Variants in KIAA0513 observed in about 807,000 individuals in gnomAD.
KIAA0513 encodes the protein uncharacterized protein KIAA0513.
Under a neutral mutation model 56.5 loss-of-function variants are expected in KIAA0513, and 39 were observed. The observed-to-expected ratio is 0.69, with a 90% CI of 0.53 to 0.90. KIAA0513 has a LOEUF of 0.90. Among genes scored for constraint, KIAA0513 ranks in the 40% least tolerant of loss-of-function variants. The pLI is 0.00. For synonymous variants in KIAA0513, 268 were observed against 215.6 expected, an observed-to-expected ratio of 1.24 and a Z score of -2.13; for missense variants, 591 against 535.2, an observed-to-expected ratio of 1.10 and a Z score of -1.03.
intron 2 of KIAA0513, among the ~76,000 whole-genome samples, chr16:85,070,505 C>T (rs1012209726): frequency 6.6e-6 from 1 of 152,076 alleles, no homozygotes; most frequent in African/African-American, 2.4e-5. Flanking sequence ...TGATGAAACC[C>T]CGTCTCTACT....
intron 1 of KIAA0513, among the ~76,000 whole-genome samples, chr16:85,054,259 A>G (rs980680071): frequency 1.3e-5 from 2 of 152,202 alleles, no homozygotes; most frequent in Non-Finnish European, 2.9e-5. Flanking sequence ...AGAATTACTT[A>G]GACATAGATT....
At chr16:85,061,001 A>C (rs968435319) in intron 1 of KIAA0513, among the ~76,000 whole-genome samples, 7 of 152,006 alleles carry the variant, frequency 4.6e-5, no homozygotes, top group African/African-American at 1.7e-4. Context: ...TAAAAATACA[A>C]AATTAGCCCA....
intron 1 of KIAA0513, among the ~76,000 whole-genome samples, chr16:85,060,984 T>A (rs2073396517): frequency 6.6e-6 from 1 of 151,656 alleles, no homozygotes; most frequent in South Asian, 2.1e-4. Flanking sequence ...TGAAACCCCA[T>A]CTCTACTAAA....
In KIAA0513 at chr16:85,067,171, G is replaced by A. The variant is rs201065554; in HGVS notation, c.100G>A (p.Gly34Ser). ...LEAPPPVLQDGDGSLGDGASE... is the reference protein window; with the variant it reads ...LEAPPPVLQDSDGSLGDGASE... ...GGCACCACCCCCTGTGCTGCAGGACGGCGATGGCTCCCTGGGGGACGGTGC... is the reference window on the plus strand; with the variant it reads ...GGCACCACCCCCTGTGCTGCAGGACAGCGATGGCTCCCTGGGGGACGGTGC... The change falls in exon 2 of 13, where the codon GGC becomes AGC. Residue 34 changes from glycine to serine, a missense_variant. By Grantham distance (56) the Gly-to-Ser change is moderately conservative (BLOSUM62 0). Coordinates refer to ENST00000683363, the MANE Select transcript of KIAA0513 (RefSeq NM_001388359.1). The A allele has an allele frequency of 2.6e-4, 422 of 1,614,158 alleles. 3 individuals are homozygous for A. The Middle Eastern group carries it at 5.9e-3, about 23-fold the overall frequency.
In KIAA0513 at chr16:85,078,974, G is replaced by T. The variant is rs201183914; in HGVS notation, c.873G>T (p.Leu291=). The T allele has an allele frequency of 4.2e-5, 67 of 1,614,034 alleles. No individual in the cohort carries two copies. Among genetic ancestry groups the T allele is most frequent in the Non-Finnish European group, 1.8e-5 (21 of 1,180,036 alleles). Residue 291 remains leucine (L), a synonymous_variant, in exon 8 of 13, where the codon CTG becomes CTT. Coordinates refer to ENST00000683363, the MANE Select transcript of KIAA0513 (RefSeq NM_001388359.1). ...AAAAGAAGGGGGAGAAGATCTACCT[G>T]TACACGCACCTGAAGCAACAGCCCA... The part of the protein sequence containing the change: ...EDEKKGEKIY[L]YTHLKQQPIW...
chr16:85,069,815 C>T (rs2073545519), intron 2 of KIAA0513, among the ~76,000 whole-genome samples: 1 of 152,124 alleles, frequency 6.6e-6, no homozygotes, highest in African/African-American at 2.4e-5. Flanking sequence ...AGTTCTTACA[C>T]GTCAGCGTCT....
At chr16:85,077,026 C>A (rs551638923) in intron 5 of KIAA0513, among the ~76,000 whole-genome samples, 1 of 151,834 alleles carries the variant, frequency 6.6e-6, no homozygotes, top group Non-Finnish European at 1.5e-5. Flanking sequence ...TCCTCCAGGC[C>A]CCCCCCCAAC....
intron 1 of KIAA0513, among the ~76,000 whole-genome samples, chr16:85,032,467 G>A (rs570480180): frequency 6.6e-6 from 1 of 152,270 alleles, no homozygotes; most frequent in Non-Finnish European, 1.5e-5. Context: ...CATGTAGCTG[G>A]GATTACAGGT....
chr16:85,047,738 C>T (rs934751445), intron 1 of KIAA0513, among the ~76,000 whole-genome samples: 6 of 152,310 alleles, frequency 3.9e-5, no homozygotes, highest in African/African-American at 1.4e-4. Context: ...TTTCCTGTTA[C>T]TAGATGCTTC....
chr16:85,086,012 T>C (rs2073803569), intron 10 of KIAA0513, among the ~76,000 whole-genome samples: 1 of 152,126 alleles, frequency 6.6e-6, no homozygotes. Context: ...AGAGAGAGCA[T>C]TGAGGGCCTC....
intron 3 of KIAA0513, among the ~76,000 whole-genome samples, chr16:85,072,693 C>T (rs2073595229): frequency 6.6e-6 from 1 of 152,152 alleles, no homozygotes; most frequent in Admixed American, 6.5e-5. Flanking sequence ...CTGGGAAGGA[C>T]ACCGAGGGGA....
intron 2 of KIAA0513, among the ~76,000 whole-genome samples, chr16:85,069,009 C>A (rs1385330579): frequency 6.6e-6 from 1 of 152,032 alleles, no homozygotes; most frequent in Non-Finnish European, 1.5e-5. Context: ...CTGTGGTTAG[C>A]CATACTGGTG....
intron 1 of KIAA0513, among the ~76,000 whole-genome samples, chr16:85,038,169 C>T (rs2073059285): frequency 6.6e-6 from 1 of 152,180 alleles, no homozygotes; most frequent in African/African-American, 2.4e-5. Context: ...CACACTATGT[C>T]GCCGTAGATA....
chr16:85,067,520 C>T (rs1457669728), intron 2 of KIAA0513, 120 bp downstream of exon 2: 9 of 791,784 alleles, frequency 1.1e-5, no homozygotes, highest in Non-Finnish European at 1.8e-5. Context: ...TTCCATTTCC[C>T]CATCAGCCAG....
rs546861989 is a variant in KIAA0513, at chr16:85,076,933, C to T, written c.575-492C>T. Among the ~76,000 whole-genome samples the T allele has an allele frequency of 6.3e-4, 96 of 152,308 alleles. No homozygotes were observed. The highest frequency in any genetic ancestry group is 2.2e-3 in the African/African-American group (93 of 41,558). On this transcript the variant is annotated intron_variant, in intron 5 of 12. Coordinates refer to ENST00000683363, the MANE Select transcript of KIAA0513 (RefSeq NM_001388359.1). The surrounding 1 kb of genome is among the most constrained non-coding windows in gnomAD (Gnocchi z 4.7). ...TTGACCTATAGTGGGCACTGAGGCC[C>T]GTGGGGGTGCCTCATCCTGTGGGGG... is the stretch of plus-strand genomic sequence containing the variant.
At chr16:85,047,758 C>T (rs1307565568) in intron 1 of KIAA0513, among the ~76,000 whole-genome samples, 1 of 152,120 alleles carries the variant, frequency 6.6e-6, no homozygotes, top group Admixed American at 6.5e-5. Flanking sequence ...CTCCTGGAGC[C>T]CCCGGGCACA....
chr16:85,088,090 G>A (rs7190862), intron 12 of KIAA0513, among the ~76,000 whole-genome samples, 186 bp from the exon 13 acceptor site: 30,995 of 152,242 alleles, frequency 0.2, 3,452 homozygotes, highest in African/African-American at 0.3. Context: ...TGTGCAATGC[G>A]CCCTCATGGC....
At chr16:85,055,154 C>G (rs1440485553) in intron 1 of KIAA0513, among the ~76,000 whole-genome samples, 1 of 152,066 alleles carries the variant, frequency 6.6e-6, no homozygotes, top group Non-Finnish European at 1.5e-5. Flanking sequence ...AACTCCTGGA[C>G]TGAAGTGAGC....
At chr16:85,066,216 G>T (rs1597622642) in intron 1 of KIAA0513, among the ~76,000 whole-genome samples, 1 of 152,190 alleles carries the variant, frequency 6.6e-6, no homozygotes. Flanking sequence ...GGCTTGAGGG[G>T]TGAATAGAAC....
Sources: gnomAD v4.1 joint callset for allele counts (sites outside exome capture counted in the v4.1 genomes callset) on GRCh38, gnomAD v4.1.1 for gene constraint, Gnocchi (gnomAD v3.1) non-coding constraint, MANE v1.5 for transcripts, NCBI Gene and HGNC (gene_info 2026-07-23, HGNC 2026-07-21) for gene names.